PHACTR3: variants seen among roughly 807,000 people sequenced by gnomAD.
The protein encoded by PHACTR3 is phosphatase and actin regulator 3.
Under a neutral mutation model 66.8 loss-of-function variants are expected in PHACTR3, and 16 were observed. That is an observed-to-expected ratio of 0.24 (90% CI 0.16 to 0.36). The LOEUF (loss-of-function observed/expected upper bound fraction) is 0.36. PHACTR3 is among the 10% of genes least tolerant of loss of function. The pLI is 1.00. For missense variants in PHACTR3, 647 were observed against 719.9 expected, an observed-to-expected ratio of 0.90 and a Z score of 1.16; for synonymous variants, 323 against 292.1, an observed-to-expected ratio of 1.11 and a Z score of -1.08.
chr20:59,733,371 ACT>A (rs1325495363), intron 1 of PHACTR3, among the ~76,000 whole-genome samples: 1 of 152,140 alleles, frequency 6.6e-6, no homozygotes, highest in Admixed American at 6.5e-5. Flanking sequence ...TCTGGTGGTC[ACT>A]CTCTGAAAAT....
At chr20:59,662,967 C>T (rs1399056503) in intron 1 of PHACTR3, among the ~76,000 whole-genome samples, 2 of 152,224 alleles carry the variant, frequency 1.3e-5, no homozygotes, top group African/African-American at 4.8e-5. Flanking sequence ...GTTCACGGCT[C>T]TGCAGGCCAG....
intron 1 of PHACTR3, among the ~76,000 whole-genome samples, chr20:59,690,541 G>A (rs2146577484): frequency 6.6e-6 from 1 of 152,364 alleles, no homozygotes; most frequent in Admixed American, 6.5e-5. Context: ...TTGGGCACAG[G>A]AGGTGTGTGC....
intron 8 of PHACTR3, among the ~76,000 whole-genome samples, chr20:59,810,783 T>G (rs1357582206): frequency 6.6e-6 from 1 of 152,208 alleles, no homozygotes; most frequent in Non-Finnish European, 1.5e-5. Context: ...TGAAGCTCTA[T>G]GCTGATTTTC....
intron 1 of PHACTR3, among the ~76,000 whole-genome samples, chr20:59,678,188 G>C (rs2036518877): frequency 6.6e-6 from 1 of 152,020 alleles, no homozygotes; most frequent in African/African-American, 2.4e-5. Flanking sequence ...TAACTCTTTG[G>C]TTGCCAAGCT....
intron 7 of PHACTR3, among the ~76,000 whole-genome samples, chr20:59,791,408 G>A (rs760014829): frequency 6.6e-5 from 10 of 152,072 alleles, no homozygotes; most frequent in Non-Finnish European, 1.5e-4. Context: ...ACTAAGATGG[G>A]CTCTAATTCT....
intron 1 of PHACTR3, among the ~76,000 whole-genome samples, chr20:59,672,255 C>T (rs755800666): frequency 6.6e-6 from 1 of 152,234 alleles, no homozygotes; most frequent in East Asian, 1.9e-4. Context: ...GCTGAGGCTG[C>T]GCATCCCTGC....
intron 1 of PHACTR3, among the ~76,000 whole-genome samples, chr20:59,616,215 C>T (rs911709978): frequency 1.3e-5 from 2 of 152,130 alleles, no homozygotes; most frequent in East Asian, 1.9e-4. Context: ...TTCTGTAAAG[C>T]GTTTAGCACA....
intron 1 of PHACTR3, among the ~76,000 whole-genome samples, chr20:59,660,733 A>G (rs2079973027): frequency 6.6e-6 from 1 of 152,266 alleles, no homozygotes; most frequent in South Asian, 2.1e-4. Context: ...AGTTAGTCAT[A>G]TATAAACACT....
intron 7 of PHACTR3, among the ~76,000 whole-genome samples, chr20:59,798,154 G>A (rs928108011): frequency 6.6e-6 from 1 of 152,144 alleles, no homozygotes; most frequent in Non-Finnish European, 1.5e-5. Flanking sequence ...TTCATAGGTG[G>A]CACCATCTAG....
chr20:59,818,269 G>T (rs1277178176), intron 8 of PHACTR3, among the ~76,000 whole-genome samples: 2 of 152,166 alleles, frequency 1.3e-5, no homozygotes, highest in Non-Finnish European at 2.9e-5. Flanking sequence ...TCTGTAAAAG[G>T]GATGTGACTA....
chr20:59,847,364 T>C lies in PHACTR3; in HGVS notation c.*234T>C. The C allele has an allele frequency of 2.5e-6, 1 of 400,938 alleles. No individual in the cohort carries two copies. The highest frequency in any genetic ancestry group is 4.6e-6 in the Non-Finnish European group (1 of 216,286). The allele number at this position is 400,938 out of a possible 1,614,324, so 24.8% of individuals were successfully genotyped here. A position where few individuals can be genotyped will look rare whatever the true frequency, so the allele number is the denominator to read the frequency against. ...AGGAGTGTGAACTGTTGGGGTCAGT[T>C]AAGACCCAACATAACTCTATCAGAA... On this transcript the variant is annotated 3_prime_UTR_variant, in exon 13 of 13. Transcript: ENST00000371015.
intron 8 of PHACTR3, among the ~76,000 whole-genome samples, chr20:59,815,235 A>C (rs182230870): frequency 3.5e-4 from 53 of 152,314 alleles, no homozygotes; most frequent in Admixed American, 1.1e-3. Context: ...TTGTCTGCTC[A>C]GTCTCTGAAA....
At chr20:59,605,699 CAG>C (rs2033638715) in intron 1 of PHACTR3, among the ~76,000 whole-genome samples, 1 of 152,260 alleles carries the variant, frequency 6.6e-6, no homozygotes, top group Non-Finnish European at 1.5e-5. Context: ...TGCGCCAGGA[CAG>C]AGCCCGGTTT....
chr20:59,765,944 C>T (rs750452150), intron 4 of PHACTR3, among the ~76,000 whole-genome samples: 7 of 152,182 alleles, frequency 4.6e-5, no homozygotes, highest in Non-Finnish European at 8.8e-5. Context: ...TGATGTATGC[C>T]AGGTGCCTTC....
intron 7 of PHACTR3, among the ~76,000 whole-genome samples, chr20:59,793,424 A>T (rs1239171149): frequency 6.6e-6 from 1 of 152,226 alleles, no homozygotes; most frequent in Non-Finnish European, 1.5e-5. Context: ...TGGACAAAGG[A>T]TATTTTTTCA....
At chr20:59,587,298 A>C (rs926651526) in intron 1 of PHACTR3, among the ~76,000 whole-genome samples, 7 of 152,214 alleles carry the variant, frequency 4.6e-5, no homozygotes, top group African/African-American at 1.7e-4. Context: ...GAGGAGATGC[A>C]GGTTGCACAG....
Position 59,806,076 on chromosome 20 carries a change from G to A in PHACTR3, c.1210G>A (p.Ala404Thr), listed in dbSNP as rs1266922904. Reference protein sequence around the residue: ...LPRKCKKELLAVKLRNRPSKQ... With the variant: ...LPRKCKKELLTVKLRNRPSKQ... ...ACGGAAATGCAAGAAGGAGCTCCTG[G>A]CCGTGAAGCTAAGGAACCGGCCAAG... Residue 404 changes from alanine (A) to threonine (T), a missense_variant, in exon 8 of 13, where the codon GCC becomes ACC. Ala to Thr is a moderately conservative substitution (Grantham distance 58, BLOSUM62 0). Transcript: ENST00000371015. The A allele has an allele frequency of 6.2e-7, 1 of 1,614,232 alleles. No individual in the cohort carries two copies. Among genetic ancestry groups the A allele is most frequent in the Non-Finnish European group, 8.5e-7 (1 of 1,180,034 alleles).
intron 1 of PHACTR3, among the ~76,000 whole-genome samples, chr20:59,722,739 GGCAGCCATGGCGGAAGAGGA>G (rs1396078276): frequency 6.6e-6 from 1 of 152,094 alleles, no homozygotes; most frequent in African/African-American, 2.4e-5. Flanking sequence ...GGGCTTGAGG[GGCAGCCATGGCGGAAGAGGA>G]GCCCTCAGGG....
At chr20:59,811,060 G>A (rs1568845088) in intron 8 of PHACTR3, among the ~76,000 whole-genome samples, 3 of 152,216 alleles carry the variant, frequency 2.0e-5, no homozygotes, top group Admixed American at 1.3e-4. Flanking sequence ...CAGTAACCCA[G>A]TAAAGCAGGT....
Sources: gnomAD v4.1 joint callset for allele counts (sites outside exome capture counted in the v4.1 genomes callset) on GRCh38, gnomAD v4.1.1 for gene constraint, MANE v1.5 for transcripts, NCBI Gene and HGNC (gene_info 2026-07-23, HGNC 2026-07-21) for gene names.